ATP2A3: variants seen among roughly 807,000 people sequenced by gnomAD.
ATP2A3 encodes the protein sarcoplasmic/endoplasmic reticulum calcium ATPase 3.
In ATP2A3, 61 loss-of-function variants were observed where a neutral mutation model predicts 106.8. That is an observed-to-expected ratio of 0.57 (90% CI 0.46 to 0.71). ATP2A3 has a LOEUF of 0.71. ATP2A3 is among the 30% of genes least tolerant of loss of function. The probability of loss-of-function intolerance (pLI) is 0.00; values close to 1 mark genes in which losing one functional copy is unlikely to be tolerated. For synonymous variants in ATP2A3, 611 were observed against 609.3 expected (o/e 1.00, Z -0.04); for missense variants, 1,201 against 1,423.5 (o/e 0.84, Z 2.52).
chr17:3,950,088 G>C (rs965569032), intron 7 of ATP2A3, among the ~76,000 whole-genome samples: 1 of 151,786 alleles, frequency 6.6e-6, no homozygotes, highest in African/African-American at 2.4e-5. Flanking sequence ...CTTGAACCTG[G>C]GGGGCGGGGG....
rs192047836 is a variant in ATP2A3, at chr17:3,953,658, C to T, written c.136+35G>A. ...CAGAGAACGACCCAGGGATGCTGCC[C>T]GCGGCCTAGAGGTCCATCCCGGTGC... On this transcript the variant is annotated intron_variant, in intron 2 of 20. Transcript: ENST00000397041. This position sits in a 1 kb window ranked among gnomAD's most constrained non-coding sequence, Gnocchi z 5.1. 6.3e-5 allele frequency: 99 copies of T among 1,559,118 alleles called. No individual in the cohort carries two copies. In the South Asian group the frequency reaches 6.6e-4, roughly 10 times the overall value.
rs2144266689 is a variant in ATP2A3 at position 3,930,937 on chromosome 17, T to A, written c.2611-503A>T. Reference sequence around the variant, plus strand: ...GGGTGGATCACCTGAGGTCAGGAGTTTGGGACCAGCCTGGCTAACATGGTG... The same window carrying A: ...GGGTGGATCACCTGAGGTCAGGAGTATGGGACCAGCCTGGCTAACATGGTG... On this transcript the variant is annotated intron_variant, in intron 17 of 20. Transcript: ENST00000397041. The surrounding 1 kb of genome is among the most constrained non-coding windows in gnomAD (Gnocchi z 5.4). 4.0e-6 allele frequency: 1 copy of A among 251,870 alleles called. No homozygotes were observed. The highest frequency in any genetic ancestry group is 1.0e-4 in the East Asian group (1 of 10,034). The allele number at this position is 251,870 out of a possible 1,614,324, so 15.6% of individuals were successfully genotyped here.
Position 3,950,697 on chromosome 17 carries a change from C to A in ATP2A3, c.540G>T (p.Leu180=). The A allele has an allele frequency of 6.2e-7, 1 of 1,614,002 alleles. No individual in the cohort carries two copies. Among genetic ancestry groups the A allele is most frequent in the South Asian group, 1.1e-5 (1 of 91,078 alleles). ...STTLRVDQSI[L]TGESVSVTKH... ...GCCTCCTGGGGGGGGCCTCACCCGT[C>A]AGGATGGACTGGTCCACTCGCAGCG... The change falls in exon 6 of 21, where the codon CTG becomes CTT. Residue 180 remains leucine, a synonymous_variant. Transcript: ENST00000397041.
chr17:3,935,130 C>G, intron 17 of ATP2A3, 62 bp downstream of exon 17: 2 of 1,558,548 alleles, frequency 1.3e-6, no homozygotes, highest in Non-Finnish European at 1.8e-6. Flanking sequence ...GACCCATCTC[C>G]CCTGGAACTC....
chr17:3,952,931 A>C (rs1567717736), intron 3 of ATP2A3, among the ~76,000 whole-genome samples: 1 of 152,116 alleles, frequency 6.6e-6, no homozygotes, highest in African/African-American at 2.4e-5. Flanking sequence ...GGGAGGTGCT[A>C]CTGGCATCTT....
At position 3,953,733 on chromosome 17, in the gene ATP2A3, G is replaced by A. The variant is rs1437004622; in HGVS notation, c.119-23C>T. On this transcript the variant is annotated intron_variant, in intron 1 of 20. Coordinates refer to ENST00000397041, the MANE Select transcript of ATP2A3 (RefSeq NM_005173.4). The surrounding 1 kb of genome is among the most constrained non-coding windows in gnomAD (Gnocchi z 5.1). ...GCTCTGCAGGATCCAGGCAGCCACG[G>A]GAGCCATGAGGAGACAAGAGAGGAG... The A allele has an allele frequency of 1.9e-6, 3 of 1,568,214 alleles. No homozygotes were observed. The African/African-American group carries it at 4.1e-5, about 21-fold the overall frequency.
At position 3,928,261 on chromosome 17, in the gene ATP2A3, G is replaced by A. The variant is rs1432527378; in HGVS notation, c.2980+402C>T. 13 of 1,613,472 alleles carry A rather than the reference G, an allele frequency of 8.1e-6. No homozygotes were observed. Among genetic ancestry groups the A allele is most frequent in the South Asian group, 1.1e-5 (1 of 91,094 alleles). On this transcript the variant is annotated intron_variant, in intron 20 of 20. Transcript: ENST00000397041. The surrounding 1 kb of genome is among the most constrained non-coding windows in gnomAD (Gnocchi z 6.1). ...CAACCCGGTGTGGTCTGGGGTCCAA[G>A]AGGTGGTCAGCGGCTGCCTACTCCA...
At chr17:3,963,221 G>C (rs921554694) in intron 1 of ATP2A3, among the ~76,000 whole-genome samples, 1 of 152,218 alleles carries the variant, frequency 6.6e-6, no homozygotes, top group African/African-American at 2.4e-5. Flanking sequence ...AAAGGGCAAG[G>C]CTCCAAGTCC....
chr17:3,943,243 G>C, intron 11 of ATP2A3, 148 bp downstream of exon 11: 1 of 1,319,266 alleles, frequency 7.6e-7, no homozygotes, highest in Non-Finnish European at 1.0e-6. Context: ...TTGTACTAAA[G>C]CCTGGGCGAC....
rs186232916 is a variant in ATP2A3 at position 3,955,984 on chromosome 17, C to T, written c.119-2274G>A. Among the ~76,000 whole-genome samples, 2 of 152,062 alleles carry T rather than the reference C, an allele frequency of 1.3e-5. No homozygotes were observed. Among genetic ancestry groups the T allele is most frequent in the African/African-American group, 2.4e-5 (1 of 41,474 alleles). On this transcript the variant is annotated intron_variant, in intron 1 of 20. Coordinates refer to ENST00000397041, the MANE Select transcript of ATP2A3 (RefSeq NM_005173.4). The surrounding 1 kb of genome is among the most constrained non-coding windows in gnomAD (Gnocchi z 4.2). ...GCAACCTCCGCCTCCCAGGTTCAAG[C>T]GATTCTCCTGCCTCAGCCTCCCGGG... is the stretch of plus-strand genomic sequence containing the variant.
At chr17:3,939,394 C>T (rs2053614993) in intron 14 of ATP2A3, among the ~76,000 whole-genome samples, 1 of 152,008 alleles carries the variant, frequency 6.6e-6, no homozygotes, top group African/African-American at 2.4e-5. Flanking sequence ...AAGAATAGGT[C>T]AGCAATTAAG....
At chr17:3,933,194 T>C (rs1318807006) in intron 17 of ATP2A3, among the ~76,000 whole-genome samples, 1 of 151,552 alleles carries the variant, frequency 6.6e-6, no homozygotes, top group Admixed American at 6.6e-5. Flanking sequence ...GGCAGGAGAA[T>C]CGCTTGAACC....
chr17:3,937,139 G>A, intron 15 of ATP2A3: 1 of 517,238 alleles, frequency 1.9e-6, no homozygotes, highest in Non-Finnish European at 3.5e-6. Flanking sequence ...TTGCTAATCT[G>A]CAAGTGGGAA....
chr17:3,924,664 C>A lies in ATP2A3; in HGVS notation c.*758G>T. 4.6e-6 allele frequency: 2 copies of A among 435,538 alleles called. No individual in the cohort carries two copies. Among genetic ancestry groups the A allele is most frequent in the Admixed American group, 4.9e-5 (2 of 40,562 alleles). The allele number at this position is 435,538 out of a possible 1,614,324, so 27.0% of individuals were successfully genotyped here. ...CATCTCCCGAGCTCAGGACGGGGAA[C>A]CCTGAGTCCAGGAGGCGCGCGGGGC... On this transcript the variant is annotated 3_prime_UTR_variant, in exon 21 of 21. Coordinates refer to ENST00000397041, the MANE Select transcript of ATP2A3 (RefSeq NM_005173.4). This position sits in a 1 kb window ranked among gnomAD's most constrained non-coding sequence, Gnocchi z 6.4.
In ATP2A3 at chr17:3,924,092, ACATGGAGCC is replaced by A. The variant is rs1190592754; in HGVS notation, c.*1321_*1329del. ...GAGGCGTAGGGGAGGGGGCTACAGA[ACATGGAGCC>A]CATTGGTCTGCAAGGCAGGCTGAGG... On this transcript the variant is annotated 3_prime_UTR_variant, in exon 21 of 21. Coordinates refer to ENST00000397041, the MANE Select transcript of ATP2A3 (RefSeq NM_005173.4). This position sits in a 1 kb window ranked among gnomAD's most constrained non-coding sequence, Gnocchi z 6.4. 6.6e-6 allele frequency: 1 copy of A among 152,070 alleles called. No individual in the cohort carries two copies. Among genetic ancestry groups the A allele is most frequent in the Non-Finnish European group, 1.5e-5 (1 of 68,022 alleles). The allele number at this position is 152,070 out of a possible 1,614,324, so 9.4% of individuals were successfully genotyped here. A position where few individuals can be genotyped will look rare whatever the true frequency, so the allele number is the denominator to read the frequency against.
Position 3,947,787 on chromosome 17 carries a change from G to A in ATP2A3, c.699C>T (p.Gly233=). 1 of 1,601,926 alleles carries A rather than the reference G, an allele frequency of 6.2e-7. No individual in the cohort carries two copies. The highest frequency in any genetic ancestry group is 8.5e-7 in the Non-Finnish European group (1 of 1,179,850). ...CTGCCGCCATCTGGCTCCGGATCTTGCCCAGCTCCGTGTGCAGGCCGGTGG... is the reference window on the plus strand; with the variant it reads ...CTGCCGCCATCTGGCTCCGGATCTTACCCAGCTCCGTGTGCAGGCCGGTGG... ...AVATGLHTEL[G]KIRSQMAAVE... Residue 233 remains glycine (G), a synonymous_variant, in exon 8 of 21, where the codon GGC becomes GGT. Transcript: ENST00000397041. The surrounding 1 kb of genome is among the most constrained non-coding windows in gnomAD (Gnocchi z 7.7).
intron 17 of ATP2A3, among the ~76,000 whole-genome samples, chr17:3,933,593 G>A (rs142472050): frequency 0.11 from 16,063 of 150,670 alleles, 1,436 homozygotes; most frequent in East Asian, 0.49. Flanking sequence ...AAAATTAGCC[G>A]GGCATGGTGG....
At chr17:3,927,872 C>G (rs1597559605) in intron 20 of ATP2A3, 2 of 1,570,134 alleles carry the variant, frequency 1.3e-6, no homozygotes, top group Non-Finnish European at 8.6e-7. Context: ...AACGACCCAG[C>G]TGCCCCAGTG....
chr17:3,960,072 A>G (rs2144771785), intron 1 of ATP2A3, among the ~76,000 whole-genome samples: 1 of 152,260 alleles, frequency 6.6e-6, no homozygotes, highest in South Asian at 2.1e-4. Flanking sequence ...CTGTGGGCAA[A>G]CCACACCCTC....
Sources: gnomAD v4.1 joint callset for allele counts (sites outside exome capture counted in the v4.1 genomes callset) on GRCh38, gnomAD v4.1.1 for gene constraint, Gnocchi (gnomAD v3.1) non-coding constraint, MANE v1.5 for transcripts, NCBI Gene and HGNC (gene_info 2026-07-23, HGNC 2026-07-21) for gene names.